BBS9: variants seen among roughly 807,000 people sequenced by gnomAD.
BBS9 encodes the protein protein PTHB1.
Under a neutral mutation model 117.7 loss-of-function variants are expected in BBS9, and 89 were observed. That is an observed-to-expected ratio of 0.76 (90% CI 0.64 to 0.90). The LOEUF is 0.90. Ranked by LOEUF, BBS9 falls within the 40% of genes least tolerant of loss-of-function variation. The pLI is 0.00. For missense variants in BBS9, 982 were observed against 1,042.2 expected (o/e 0.94, Z 0.80); for synonymous variants, 379 against 370.9 (o/e 1.02, Z -0.25).
At chr7:33,600,175 C>T (rs1325683570) in intron 21 of BBS9, among the ~76,000 whole-genome samples, 2 of 152,214 alleles carry the variant, frequency 1.3e-5, no homozygotes, top group East Asian at 3.9e-4. Context: ...AAAGTATCGC[C>T]GGAAGACTGG....
At chr7:33,484,953 C>T (rs1364907331) in intron 19 of BBS9, among the ~76,000 whole-genome samples, 1 of 152,212 alleles carries the variant, frequency 6.6e-6, no homozygotes, top group Non-Finnish European at 1.5e-5. Context: ...CCATAGAATA[C>T]TATGCAGCCA....
In BBS9 at chr7:33,233,014, G is replaced by A. The variant is rs549507666; in HGVS notation, c.443-24222G>A. Among the ~76,000 whole-genome samples the A allele has an allele frequency of 3.8e-4, 58 of 152,186 alleles. No homozygotes were observed. In the South Asian group the frequency reaches 0.012, roughly 32 times the overall value. ...CAATTGTTGAGTTTTGTAACAAGAA[G>A]CATTTGTTCTTTGACTTAAGCCTTT... is the stretch of plus-strand genomic sequence containing the variant. On this transcript the variant is annotated intron_variant, in intron 5 of 22. Transcript: ENST00000242067.
intron 21 of BBS9, among the ~76,000 whole-genome samples, chr7:33,603,674 T>C (rs976865643): frequency 5.3e-5 from 8 of 152,152 alleles, no homozygotes; most frequent in African/African-American, 1.9e-4. Context: ...CTGGTTCTCC[T>C]TCTGGGTAAG....
chr7:33,509,778 ACAT>A (rs899993031), intron 20 of BBS9, among the ~76,000 whole-genome samples: 1 of 152,228 alleles, frequency 6.6e-6, no homozygotes, highest in African/African-American at 2.4e-5. Context: ...CTCCCTAATG[ACAT>A]CAGGTTCACA....
chr7:33,608,077 A>G (rs1162096921), downstream of BBS9, among the ~76,000 whole-genome samples: 1 of 151,692 alleles, frequency 6.6e-6, no homozygotes, highest in Non-Finnish European at 1.5e-5. Context: ...CCCAGTGTCT[A>G]TTGTTGTTAT....
intron 21 of BBS9, among the ~76,000 whole-genome samples, chr7:33,550,561 A>G (rs1002124065): frequency 6.6e-6 from 1 of 152,182 alleles, no homozygotes; most frequent in Non-Finnish European, 1.5e-5. Flanking sequence ...GACACTACTC[A>G]GCCACAACAC....
rs745586445 is a variant in BBS9 at position 33,534,114 on chromosome 7, C to G, written c.2459C>G (p.Ser820Cys). The part of the protein sequence containing the change: ...KHITLLCDRL[S>C]KGGRLCLSTD... ...ATCACCTTGCTCTGCGATAGATTAT[C>G]CAAAGGTGGCCGTCTCTGCCTAAGT... Residue 820 changes from serine to cysteine, a missense_variant, in exon 21 of 23, where the codon TCC becomes TGC. Transcript: ENST00000242067. The G allele has an allele frequency of 1.9e-6, 3 of 1,614,194 alleles. No homozygotes were observed. The highest frequency in any genetic ancestry group is 2.5e-6 in the Non-Finnish European group (3 of 1,180,034).
At chr7:33,403,640 TGAACTCATCATTTTTTATGGCTGC>T (rs1829361992) in intron 19 of BBS9, among the ~76,000 whole-genome samples, 1 of 151,862 alleles carries the variant, frequency 6.6e-6, no homozygotes, top group East Asian at 1.9e-4. Context: ...ACAAAGGACA[TGAACTCATCATTTTTTATGGCTGC>T]GTAGTATTCC....
chr7:33,556,987 C>T lies in BBS9; in HGVS notation c.2521+22811C>T, dbSNP rs530392840. On this transcript the variant is annotated intron_variant, in intron 21 of 22. Coordinates refer to ENST00000242067, the MANE Select transcript of BBS9 (RefSeq NM_198428.3). ...TTCTATGTCTCTGATCTTTATCTGG[C>T]TCATCAGTTATTCAGCAAGTATTTA... Among the ~76,000 whole-genome samples the T allele has an allele frequency of 9.3e-4, 141 of 152,246 alleles. 2 individuals are homozygous for T. Among genetic ancestry groups the T allele is most frequent in the African/African-American group, 3.3e-3 (135 of 41,538 alleles).
At chr7:33,160,946 G>A (rs574196478) in intron 4 of BBS9, among the ~76,000 whole-genome samples, 1 of 152,224 alleles carries the variant, frequency 6.6e-6, no homozygotes, top group South Asian at 2.1e-4. Flanking sequence ...TATACAACCA[G>A]AAGACATGCA....
chr7:33,524,592 G>C (rs1359357177), intron 20 of BBS9, among the ~76,000 whole-genome samples: 1 of 152,094 alleles, frequency 6.6e-6, no homozygotes, highest in Non-Finnish European at 1.5e-5. Flanking sequence ...GATCGGTGGT[G>C]ATATCCCCTT....
At chr7:33,251,808 G>A (rs1485500566) in intron 5 of BBS9, among the ~76,000 whole-genome samples, 1 of 152,192 alleles carries the variant, frequency 6.6e-6, no homozygotes, top group African/African-American at 2.4e-5. Context: ...AATTGGTGGA[G>A]CTGGACTCAA....
chr7:33,410,477 T>G (rs902725500), intron 19 of BBS9, among the ~76,000 whole-genome samples: 1 of 152,168 alleles, frequency 6.6e-6, no homozygotes, highest in Non-Finnish European at 1.5e-5. Context: ...GGCTAAGTAG[T>G]GACTCAGCCC....
At chr7:33,604,212 A>G (rs1480984924) in intron 21 of BBS9, among the ~76,000 whole-genome samples, 1 of 152,212 alleles carries the variant, frequency 6.6e-6, no homozygotes, top group Non-Finnish European at 1.5e-5. Flanking sequence ...TTTCCCATAC[A>G]AGATTTTGGT....
chr7:33,630,403 T>TA lies in BBS9; in HGVS notation c.2522-4768dup, dbSNP rs535244606. On this transcript the variant is annotated intron_variant, in intron 21 of 21. Coordinates refer to the BBS9 transcript ENST00000671952. ...ATTCTTCTGGGGAGTTTTTTTGGAG[T>TA]AAAAAATTAAACTCCTATAATTATG... 4.2e-4 allele frequency among the ~76,000 whole-genome samples: 64 copies of TA among 152,050 alleles called. 1 individual carries two copies. The highest frequency in any genetic ancestry group is 1.7e-3 in the South Asian group (8 of 4,804).
chr7:33,417,230 A>G (rs924173733), intron 19 of BBS9, among the ~76,000 whole-genome samples: 1 of 152,172 alleles, frequency 6.6e-6, no homozygotes, highest in African/African-American at 2.4e-5. Flanking sequence ...ATTCAGTTCT[A>G]TTTTAGTACA....
chr7:33,617,934 T>C (rs1442643915), intron 21 of BBS9, among the ~76,000 whole-genome samples: 1 of 152,142 alleles, frequency 6.6e-6, no homozygotes, highest in Non-Finnish European at 1.5e-5. Context: ...ATGGAAGTTC[T>C]TCAAAAATGA....
chr7:33,248,468 ATAG>A (rs1401519210), intron 5 of BBS9, among the ~76,000 whole-genome samples: 1 of 152,200 alleles, frequency 6.6e-6, no homozygotes, highest in Non-Finnish European at 1.5e-5. Context: ...GCATAGCCAA[ATAG>A]TAGCATGATC....
chr7:33,209,177 T>C (rs1787543930), intron 5 of BBS9, among the ~76,000 whole-genome samples: 1 of 152,216 alleles, frequency 6.6e-6, no homozygotes, highest in Non-Finnish European at 1.5e-5. Context: ...CCTCCACAAA[T>C]AAGTGAGAAC....
Sources: allele counts gnomAD v4.1 joint callset (sites outside exome capture counted in the v4.1 genomes callset), GRCh38; gene constraint gnomAD v4.1.1; transcripts MANE v1.5; gene names NCBI Gene and HGNC (gene_info 2026-07-23, HGNC 2026-07-21).